The following WDR86 variants were observed in gnomAD, a reference collection of about 807,000 sequenced individuals.
WDR86 encodes the protein WD repeat-containing protein 86.
Under a neutral mutation model 36.5 loss-of-function variants are expected in WDR86, and 30 were observed. The observed-to-expected ratio is 0.82, with a 90% CI of 0.61 to 1.11. The LOEUF (loss-of-function observed/expected upper bound fraction) is 1.11, where lower values mean the gene tolerates loss of function less well. Ranked by LOEUF, WDR86 falls within the 50% of genes most tolerant of loss-of-function variation. The pLI is 0.00. For synonymous variants in WDR86, 255 were observed against 252.9 expected (o/e 1.01, Z -0.08); for missense variants, 545 against 561.2 (o/e 0.97, Z 0.29).
In WDR86 at chr7:151,387,424, C is replaced by A. The variant is rs555824415; in HGVS notation, c.727-2201G>T. ...GCCACACAGGCCGAGGGGGCGCTCC[C>A]AGCCCCAGGGTCCTCAGCCTGTGGA... On this transcript the variant is annotated intron_variant, in intron 3 of 5. Transcript: ENST00000334493. Among the ~76,000 whole-genome samples the A allele has an allele frequency of 6.6e-5, 10 of 152,310 alleles. No individual in the cohort carries two copies. The East Asian group carries it at 1.7e-3, about 26-fold the overall frequency.
chr7:151,393,107 C>T (rs1402726621), intron 3 of WDR86, among the ~76,000 whole-genome samples: 1 of 152,214 alleles, frequency 6.6e-6, no homozygotes, highest in Non-Finnish European at 1.5e-5. Flanking sequence ...GCCTCTGGCC[C>T]CCGGGTGCTC....
At chr7:151,377,242 G>C (rs907834607), downstream of WDR86, 1 of 1,482,080 alleles carries the variant, frequency 6.7e-7, no homozygotes, top group African/African-American at 1.4e-5. Context: ...AACAGAAATA[G>C]CGCTAATTTT....
chr7:151,382,337 G>A (rs967279195), intron 4 of WDR86, among the ~76,000 whole-genome samples: 7 of 152,126 alleles, frequency 4.6e-5, no homozygotes, highest in Admixed American at 2.6e-4. Context: ...CTTCCGCTGC[G>A]TCGGCAACCT....
downstream of WDR86, chr7:151,377,156 T>C (rs1798339232): frequency 1.3e-6 from 2 of 1,590,298 alleles, no homozygotes; most frequent in Non-Finnish European, 1.7e-6. Context: ...CTCTGGAAGA[T>C]GAAGAAATTA....
At chr7:151,386,499 C>T (rs1210503294) in intron 3 of WDR86, among the ~76,000 whole-genome samples, 1 of 152,142 alleles carries the variant, frequency 6.6e-6, no homozygotes, top group Non-Finnish European at 1.5e-5. Context: ...TTACGGTGGG[C>T]CCCAGCCCAG....
chr7:151,381,156 C>T lies in WDR86; in HGVS notation c.*426G>A. 2 of 1,249,204 alleles carry T rather than the reference C, an allele frequency of 1.6e-6. No individual in the cohort carries two copies. The highest frequency in any genetic ancestry group is 2.0e-6 in the Non-Finnish European group (2 of 999,468). 77.4% of individuals were successfully genotyped at this position (1,249,204 alleles called of 1,614,324 possible). A position where few individuals can be genotyped will look rare whatever the true frequency, so the allele number is the denominator to read the frequency against. On this transcript the variant is annotated 3_prime_UTR_variant, in exon 6 of 6. Transcript: ENST00000334493. This position sits in a 1 kb window ranked among gnomAD's most constrained non-coding sequence, Gnocchi z 4.8. ...GTTCAGGCTGTATATTTCAGTTCCCCCCAAGGCCCTCGAGACGGACGATTT... is the reference window on the plus strand; with the variant it reads ...GTTCAGGCTGTATATTTCAGTTCCCTCCAAGGCCCTCGAGACGGACGATTT...
At chr7:151,375,956 C>G (rs763364783) in exon 2 of WDR86, 2 of 1,561,714 alleles carry the variant, frequency 1.3e-6, no homozygotes, top group Non-Finnish European at 1.8e-6. Context: ...GAGTGACAGG[C>G]CTTTGTGCCC....
rs1799350176 is a variant in WDR86 at position 151,390,557 on chromosome 7, G to A, written c.726+5219C>T. On this transcript the variant is annotated intron_variant, in intron 3 of 5. Coordinates refer to ENST00000334493, the MANE Select transcript of WDR86 (RefSeq NM_198285.3). This position sits in a 1 kb window ranked among gnomAD's most constrained non-coding sequence, Gnocchi z 4.5. ...TACCAAGTCATCCGCAGTCCCACTG[G>A]CAGGCATATACCCGAGAACTGAAGG... Among the ~76,000 whole-genome samples, 1 of 152,206 alleles carries A rather than the reference G, an allele frequency of 6.6e-6. No homozygotes were observed. The highest frequency in any genetic ancestry group is 2.4e-5 in the African/African-American group (1 of 41,452).
chr7:151,407,516 C>T (rs1267653172), intron 1 of WDR86, among the ~76,000 whole-genome samples: 1 of 152,152 alleles, frequency 6.6e-6, no homozygotes, highest in African/African-American at 2.4e-5. Context: ...GCCAGCTGTG[C>T]ATAAGACCCA....
chr7:151,387,922 C>T (rs1799108758), intron 3 of WDR86, among the ~76,000 whole-genome samples: 1 of 152,256 alleles, frequency 6.6e-6, no homozygotes, highest in African/African-American at 2.4e-5. Context: ...CTTCCACTGT[C>T]TCATGTGCAA....
rs1800692351 is a variant in WDR86 at position 151,406,216 on chromosome 7, TG to T, written c.163+3210del. On this transcript the variant is annotated intron_variant, in intron 1 of 5. Coordinates refer to ENST00000334493, the MANE Select transcript of WDR86 (RefSeq NM_198285.3). This position sits in a 1 kb window ranked among gnomAD's most constrained non-coding sequence, Gnocchi z 4.4. The stretch of plus-strand genomic sequence containing the variant: ...CGCCGGTTCTGCAGCCCACTCTCCC[TG>T]GGGCCTCCGGGAGCAGCACCTCACC... 6.6e-6 allele frequency among the ~76,000 whole-genome samples: 1 copy of T among 152,156 alleles called. No individual in the cohort carries two copies. The highest frequency in any genetic ancestry group is 1.9e-4 in the East Asian group (1 of 5,178).
intron 1 of WDR86, among the ~76,000 whole-genome samples, chr7:151,408,073 G>A (rs1321792014): frequency 2.0e-5 from 3 of 152,042 alleles, no homozygotes; most frequent in Non-Finnish European, 4.4e-5. Flanking sequence ...TGGGGGGGAT[G>A]TGTGTTAGTT....
rs1799773958 is a variant in WDR86, at chr7:151,395,766, A to G, written c.726+10T>C. 3.9e-6 allele frequency: 6 copies of G among 1,546,906 alleles called. No homozygotes were observed. The highest frequency in any genetic ancestry group is 5.2e-6 in the Non-Finnish European group (6 of 1,146,036). ...CCCTGGCTGCTGGGCGGGGACCAGG[A>G]CAGTCTCACCTCCAGACAGATGACG... On this transcript the variant is annotated intron_variant, in intron 3 of 5. Transcript: ENST00000334493.
At chr7:151,383,523 C>T (rs1798759642) in intron 4 of WDR86, among the ~76,000 whole-genome samples, 1 of 151,950 alleles carries the variant, frequency 6.6e-6, no homozygotes, top group Non-Finnish European at 1.5e-5. Context: ...TGCTATGTTG[C>T]TCAGGCTGGT....
At chr7:151,407,517 A>G (rs7785613) in intron 1 of WDR86, among the ~76,000 whole-genome samples, 129,183 of 152,198 alleles carry the variant, frequency 0.85, 55,649 homozygotes, top group African/African-American at 0.96. Flanking sequence ...CCAGCTGTGC[A>G]TAAGACCCAC....
At chr7:151,370,892 G>T in the WDR86 span, among the ~76,000 whole-genome samples, 1 of 152,254 alleles carries the variant, frequency 6.6e-6, no homozygotes, top group African/African-American at 2.4e-5. Context: ...TTGGAAAACA[G>T]TTCTCATCAC....
chr7:151,388,728 G>A lies in WDR86; in HGVS notation c.727-3505C>T, dbSNP rs1647069464. On this transcript the variant is annotated intron_variant, in intron 3 of 5. Coordinates refer to ENST00000334493, the MANE Select transcript of WDR86 (RefSeq NM_198285.3). The surrounding 1 kb of genome is among the most constrained non-coding windows in gnomAD (Gnocchi z 4.2). ...TTTGGCCAACTTGGAGCAGGCTGCA[G>A]GCTTCAGGGAAGCAGGGAGGATGCT... Among the ~76,000 whole-genome samples, 1 of 152,200 alleles carries A rather than the reference G, an allele frequency of 6.6e-6. No homozygotes were observed. Among genetic ancestry groups the A allele is most frequent in the African/African-American group, 2.4e-5 (1 of 41,438 alleles).
At chr7:151,373,007 A>C (rs764284550), downstream of WDR86, among the ~76,000 whole-genome samples, 1 of 152,096 alleles carries the variant, frequency 6.6e-6, no homozygotes, top group African/African-American at 2.4e-5. Flanking sequence ...GCCTGCTCCT[A>C]CTGTGGGGCC....
intron 3 of WDR86, among the ~76,000 whole-genome samples, chr7:151,391,561 G>C (rs991977689): frequency 3.3e-5 from 5 of 152,168 alleles, no homozygotes; most frequent in African/African-American, 1.2e-4. Context: ...GCTGGATTCT[G>C]TTTCTCTGCG....
Sources: allele counts gnomAD v4.1 joint callset (sites outside exome capture counted in the v4.1 genomes callset), GRCh38; gene constraint gnomAD v4.1.1; non-coding constraint Gnocchi (gnomAD v3.1); transcripts MANE v1.5; gene names NCBI Gene and HGNC (gene_info 2026-07-23, HGNC 2026-07-21).